Variants in TAMM41 observed in about 807,000 individuals in gnomAD.
TAMM41 encodes phosphatidate cytidylyltransferase, mitochondrial.
In TAMM41, 36 loss-of-function variants were observed where a neutral mutation model predicts 44.1. That is an observed-to-expected ratio of 0.82 (90% CI 0.63 to 1.08). The LOEUF is 1.08. Among genes scored for constraint, TAMM41 ranks in the 50% least tolerant of loss-of-function variants. The pLI is 0.00. For synonymous variants in TAMM41, 164 were observed against 153.1 expected, an observed-to-expected ratio of 1.07 and a Z score of -0.53; for missense variants, 417 against 404.3, an observed-to-expected ratio of 1.03 and a Z score of -0.27.
the TAMM41 span, among the ~76,000 whole-genome samples, chr3:11,749,213 A>G: frequency 2.6e-5 from 4 of 152,102 alleles, no homozygotes; most frequent in South Asian, 6.2e-4. Context: ...GCGCCCTGCT[A>G]GAAATGGATT....
intron 3 of TAMM41, among the ~76,000 whole-genome samples, chr3:11,832,691 C>T (rs1198928966): frequency 6.6e-6 from 1 of 152,148 alleles, no homozygotes; most frequent in Non-Finnish European, 1.5e-5. Context: ...AGGATTCACC[C>T]AGTGCTCTTT....
chr3:11,841,812 G>A (rs890146808), intron 2 of TAMM41, among the ~76,000 whole-genome samples: 9 of 152,172 alleles, frequency 5.9e-5, no homozygotes, highest in African/African-American at 1.9e-4. Flanking sequence ...GAAACACCAC[G>A]GGCCTGGAAG....
chr3:11,734,358 G>A, the TAMM41 span, among the ~76,000 whole-genome samples: 1 of 152,302 alleles, frequency 6.6e-6, no homozygotes, highest in South Asian at 2.1e-4. Flanking sequence ...AGAGACATCT[G>A]AAAGGAGACA....
the TAMM41 span, among the ~76,000 whole-genome samples, chr3:11,772,690 G>C: frequency 9.5e-3 from 1,447 of 152,224 alleles, 7 homozygotes; most frequent in Non-Finnish European, 0.014. Flanking sequence ...ACCCAGTAAA[G>C]GGATTGGAGT....
chr3:11,840,996 G>A (rs187500682), intron 2 of TAMM41, among the ~76,000 whole-genome samples: 82 of 148,282 alleles, frequency 5.5e-4, no homozygotes, highest in African/African-American at 1.7e-3. Flanking sequence ...AAACACTTTT[G>A]TAATTACAAA....
At chr3:11,783,272 G>C in the TAMM41 span, among the ~76,000 whole-genome samples, 1,661 of 150,970 alleles carry the variant, frequency 0.011, 38 homozygotes, top group African/African-American at 0.038. Context: ...CCCAGGGACT[G>C]ATGATTTTGG....
At chr3:11,748,911 ATT>A in the TAMM41 span, among the ~76,000 whole-genome samples, 1 of 119,110 alleles carries the variant, frequency 8.4e-6, no homozygotes. Flanking sequence ...TGGGAAGTAG[ATT>A]TTTTTTTTTT....
At chr3:11,835,756 G>A (rs2079146733) in intron 3 of TAMM41, among the ~76,000 whole-genome samples, 1 of 152,110 alleles carries the variant, frequency 6.6e-6, no homozygotes, top group Admixed American at 6.5e-5. Flanking sequence ...CAGAGAGAAG[G>A]CAAAGACCAT....
the TAMM41 span, among the ~76,000 whole-genome samples, chr3:11,763,192 G>C: frequency 6.6e-6 from 1 of 152,190 alleles, no homozygotes; most frequent in African/African-American, 2.4e-5. Flanking sequence ...ATGCTGCAGT[G>C]CAGTGGCCTG....
the TAMM41 span, among the ~76,000 whole-genome samples, chr3:11,763,368 G>C: frequency 3.5e-3 from 532 of 152,284 alleles, 5 homozygotes; most frequent in African/African-American, 0.011. Flanking sequence ...TCTTGAACTT[G>C]TGGGCTCAAG....
At chr3:11,763,759 G>T in the TAMM41 span, among the ~76,000 whole-genome samples, 1 of 152,186 alleles carries the variant, frequency 6.6e-6, no homozygotes, top group African/African-American at 2.4e-5. Context: ...GAGGTTAAGT[G>T]TCCTGGCGAA....
the TAMM41 span, among the ~76,000 whole-genome samples, chr3:11,761,433 T>A: frequency 6.6e-6 from 1 of 152,050 alleles, no homozygotes; most frequent in African/African-American, 2.4e-5. Context: ...TAGTCCAGAA[T>A]TGAGTCTCTG....
chr3:11,786,286 T>TTTTA, downstream of TAMM41, among the ~76,000 whole-genome samples: 1 of 138,872 alleles, frequency 7.2e-6, no homozygotes, highest in East Asian at 2.0e-4. Flanking sequence ...TTTATTTAAT[T>TTTTA]TTATTATTAT....
intron 7 of TAMM41, among the ~76,000 whole-genome samples, chr3:11,793,082 A>T (rs1032504417): frequency 7.1e-6 from 1 of 141,290 alleles, no homozygotes. Context: ...AAAAAAAAAA[A>T]AAGAGAGTGA....
At chr3:11,737,690 G>T in the TAMM41 span, among the ~76,000 whole-genome samples, 1 of 152,098 alleles carries the variant, frequency 6.6e-6, no homozygotes, top group Admixed American at 6.6e-5. Flanking sequence ...ACTCCTTAGA[G>T]GCTTGTAGCT....
At chr3:11,776,518 C>T in the TAMM41 span, among the ~76,000 whole-genome samples, 1 of 152,138 alleles carries the variant, frequency 6.6e-6, no homozygotes, top group Non-Finnish European at 1.5e-5. Context: ...TTAACAACTG[C>T]CTCGGTATTC....
the TAMM41 span, among the ~76,000 whole-genome samples, chr3:11,741,361 A>G: frequency 2.0e-5 from 3 of 149,456 alleles, no homozygotes; most frequent in East Asian, 5.8e-4. Flanking sequence ...TTTAAGCACG[A>G]CCACAAGGGC....
intron 5 of TAMM41, among the ~76,000 whole-genome samples, chr3:11,815,408 C>CT (rs1457153249): frequency 6.6e-6 from 1 of 152,094 alleles, no homozygotes; most frequent in African/African-American, 2.4e-5. Context: ...CCCAATAAAT[C>CT]TGTCTATAAT....
chr3:11,751,070 C>T, the TAMM41 span, among the ~76,000 whole-genome samples: 1 of 150,332 alleles, frequency 6.7e-6, no homozygotes, highest in Non-Finnish European at 1.5e-5. Context: ...GAGTCCTTTC[C>T]AGAAGCTTAC....
Sources: allele counts gnomAD v4.1 joint callset (sites outside exome capture counted in the v4.1 genomes callset), GRCh38; gene constraint gnomAD v4.1.1; transcripts MANE v1.5; gene names NCBI Gene and HGNC (gene_info 2026-07-23, HGNC 2026-07-21).